Variants in BEND3 observed in about 807,000 individuals in gnomAD.
BEND3 encodes BEN domain-containing protein 3.
Under a neutral mutation model 60.1 loss-of-function variants are expected in BEND3, and 13 were observed. The ratio of observed to expected loss-of-function variants is 0.22; its 90% CI spans 0.14 to 0.34. BEND3 has a LOEUF of 0.34. Ranked by LOEUF, BEND3 falls within the 10% of genes least tolerant of loss-of-function variation. The pLI is 1.00. For missense variants in BEND3, 896 were observed against 1,138.1 expected, an observed-to-expected ratio of 0.79 and a Z score of 3.06; for synonymous variants, 497 against 491.5, an observed-to-expected ratio of 1.01 and a Z score of -0.15.
intron 1 of BEND3, chr6:107,114,400 G>A (rs1021516706): frequency 1.1e-4 from 16 of 152,016 alleles, no homozygotes; most frequent in Admixed American, 9.2e-4. Flanking sequence ...CGGCCGGGAA[G>A]GGAGCGCTGC....
At chr6:107,105,377 G>GAAA (rs35131970) in intron 1 of BEND3, among the ~76,000 whole-genome samples, 1 of 120,412 alleles carries the variant, frequency 8.3e-6, no homozygotes. Flanking sequence ...TCTCAAAAAA[G>GAAA]AAAAAAAAAA....
intron 1 of BEND3, among the ~76,000 whole-genome samples, chr6:107,110,443 T>C (rs1775916113): frequency 6.6e-6 from 1 of 152,110 alleles, no homozygotes; most frequent in African/African-American, 2.4e-5. Context: ...CAAGAAATAC[T>C]GACGTATCAG....
chr6:107,088,630 A>C (rs1775407105), intron 3 of BEND3, among the ~76,000 whole-genome samples: 2 of 152,234 alleles, frequency 1.3e-5, no homozygotes, highest in South Asian at 2.1e-4. Flanking sequence ...TTACCTATAG[A>C]GGAGCAAAGA....
intron 3 of BEND3, among the ~76,000 whole-genome samples, chr6:107,093,517 T>C (rs374584822): frequency 6.6e-6 from 1 of 151,640 alleles, no homozygotes; most frequent in East Asian, 1.9e-4. Context: ...ACTGCAACAT[T>C]TACCATAAAG....
Position 107,070,377 on chromosome 6 carries a change from C to T in BEND3, c.814G>A (p.Val272Met), listed in dbSNP as rs148978666. The T allele has an allele frequency of 8.7e-6, 14 of 1,613,662 alleles. No homozygotes were observed. The highest frequency in any genetic ancestry group is 9.3e-6 in the Non-Finnish European group (11 of 1,180,044). ...CTGAAGAGCTCGGGGAAGAGCTGCACCAGCAAGCGGCAGGCCAGGTCCCCC... is the reference window on the plus strand; with the variant it reads ...CTGAAGAGCTCGGGGAAGAGCTGCATCAGCAAGCGGCAGGCCAGGTCCCCC... ...SGGDLACRLL[V>M]QLFPELFSDV... The change falls in exon 4 of 4, where the codon GTG becomes ATG. Residue 272 changes from valine (V) to methionine (M), a missense_variant. Transcript: ENST00000369042. The surrounding 1 kb of genome is among the most constrained non-coding windows in gnomAD (Gnocchi z 6.9).
In BEND3 at chr6:107,070,456, C is replaced by T; in HGVS notation, c.735G>A (p.Glu245=). ...TGAGCTCTGCGGCTGTGAGCTGGTACTCAGGGGGCGGCTGGAATTTGGCCA... is the reference window on the plus strand; with the variant it reads ...TGAGCTCTGCGGCTGTGAGCTGGTATTCAGGGGGCGGCTGGAATTTGGCCA... ...EMVAKFQPPP[E]YQLTAAELKQ... is the part of the protein sequence containing the mutation. Residue 245 remains glutamate (E), a synonymous_variant, in exon 4 of 4, where the codon GAG becomes GAA. Transcript: ENST00000369042. The surrounding 1 kb of genome is among the most constrained non-coding windows in gnomAD (Gnocchi z 6.9). 1 of 1,614,160 alleles carries T rather than the reference C, an allele frequency of 6.2e-7. No individual in the cohort carries two copies. The highest frequency in any genetic ancestry group is 8.5e-7 in the Non-Finnish European group (1 of 1,180,036).
chr6:107,069,460 C>A lies in BEND3; in HGVS notation c.1731G>T (p.Leu577=), dbSNP rs782389314. Residue 577 remains leucine (L), a synonymous_variant, in exon 4 of 4, where the codon CTG becomes CTT. Transcript: ENST00000369042. ...SLSIGNFASR[L]LVHLFPELFT... Reference sequence around the variant, plus strand: ...AGAGCTCGGGGAACAGGTGCACCAGCAGGCGCGAGGCGAAGTTGCCGATGG... The same window carrying A: ...AGAGCTCGGGGAACAGGTGCACCAGAAGGCGCGAGGCGAAGTTGCCGATGG... The A allele has an allele frequency of 9.3e-6, 15 of 1,612,082 alleles. No individual in the cohort carries two copies. The highest frequency in any genetic ancestry group is 1.7e-5 in the Admixed American group (1 of 59,962).
At chr6:107,079,703 G>A (rs1775183906) in intron 3 of BEND3, among the ~76,000 whole-genome samples, 1 of 152,134 alleles carries the variant, frequency 6.6e-6, no homozygotes, top group African/African-American at 2.4e-5. Flanking sequence ...TTCCCAATCA[G>A]TCCTGATAAT....
chr6:107,088,496 C>T (rs1554234657), intron 3 of BEND3, among the ~76,000 whole-genome samples: 2 of 151,954 alleles, frequency 1.3e-5, no homozygotes, highest in African/African-American at 4.8e-5. Flanking sequence ...GAATAGCAAA[C>T]ATGATACACG....
chr6:107,080,372 A>AAAAAAC, intron 3 of BEND3, among the ~76,000 whole-genome samples: 1 of 135,250 alleles, frequency 7.4e-6, no homozygotes, highest in Non-Finnish European at 1.5e-5. Context: ...AAAAAAAAAA[A>AAAAAAC]AAAAACAAAA....
At chr6:107,080,464 A>C (rs1554233395) in intron 3 of BEND3, among the ~76,000 whole-genome samples, 1 of 152,080 alleles carries the variant, frequency 6.6e-6, no homozygotes. Context: ...CACCATATAT[A>C]TCTTAGAAGA....
chr6:107,081,640 G>C (rs1381770961), intron 3 of BEND3, among the ~76,000 whole-genome samples: 2 of 152,046 alleles, frequency 1.3e-5, no homozygotes, highest in African/African-American at 4.8e-5. Flanking sequence ...TATGTAGACT[G>C]GGCAAGTCAT....
At chr6:107,113,485 G>A (rs1770171203) in intron 1 of BEND3, among the ~76,000 whole-genome samples, 1 of 150,158 alleles carries the variant, frequency 6.7e-6, no homozygotes. Flanking sequence ...ATGACAGGAG[G>A]TTGATGTGAC....
intron 1 of BEND3, chr6:107,114,009 A>T (rs1554238908): frequency 6.6e-6 from 1 of 152,258 alleles, no homozygotes; most frequent in African/African-American, 2.4e-5. Context: ...CTAGTGAGTA[A>T]CCTTGTTCCT....
In BEND3 at chr6:107,070,567, G is replaced by T; in HGVS notation, c.624C>A (p.Ser208=). Residue 208 remains serine (S), a synonymous_variant, in exon 4 of 4, where the codon TCC becomes TCA. Coordinates refer to ENST00000369042, the MANE Select transcript of BEND3 (RefSeq NM_001367314.1). This position sits in a 1 kb window ranked among gnomAD's most constrained non-coding sequence, Gnocchi z 6.9. ...CCTTGCTGTGCAGCTGGGACATGTTGGACGTGAGGGTGTTCAGCATGTAGA... is the reference window on the plus strand; with the variant it reads ...CCTTGCTGTGCAGCTGGGACATGTTTGACGTGAGGGTGTTCAGCATGTAGA... ...KMFYMLNTLT[S]NMSQLHSKVD... is the part of the protein sequence containing the mutation. 1 of 1,612,984 alleles carries T rather than the reference G, an allele frequency of 6.2e-7. No individual in the cohort carries two copies.
intron 1 of BEND3, among the ~76,000 whole-genome samples, chr6:107,112,782 G>A (rs1191988993): frequency 1.3e-5 from 2 of 151,440 alleles, no homozygotes; most frequent in Non-Finnish European, 2.9e-5. Flanking sequence ...GAACCCAGGA[G>A]GCAGAGGTTG....
intron 1 of BEND3, among the ~76,000 whole-genome samples, chr6:107,112,149 A>G (rs148688376): frequency 3.7e-4 from 57 of 152,328 alleles, no homozygotes; most frequent in African/African-American, 1.4e-3. Flanking sequence ...CATGGTGTCA[A>G]TACAATTCAT....
intron 1 of BEND3, among the ~76,000 whole-genome samples, chr6:107,112,932 G>A (rs1353532811): frequency 6.6e-6 from 1 of 151,658 alleles, no homozygotes; most frequent in African/African-American, 2.4e-5. Flanking sequence ...GCCAAGGTGA[G>A]CGGATCATGA....
rs1189193298 is a variant in BEND3 at position 107,105,302 on chromosome 6, CAG to C, written c.-11-6008_-11-6007del. Among the ~76,000 whole-genome samples the C allele has an allele frequency of 4.0e-5, 6 of 148,550 alleles. No homozygotes were observed. In the South Asian group the frequency reaches 1.3e-3, roughly 32 times the overall value. ...AGGAGAATCGCTTGAACCTGGGAGA[CAG>C]AGGTTGCAGTGAGCCGAGATCGCGC... On this transcript the variant is annotated intron_variant, in intron 1 of 3. Coordinates refer to ENST00000369042, the MANE Select transcript of BEND3 (RefSeq NM_001367314.1).
Sources: gnomAD v4.1 joint callset for allele counts (sites outside exome capture counted in the v4.1 genomes callset) on GRCh38, gnomAD v4.1.1 for gene constraint, Gnocchi (gnomAD v3.1) non-coding constraint, MANE v1.5 for transcripts, NCBI Gene and HGNC (gene_info 2026-07-23, HGNC 2026-07-21) for gene names.